The following LUZP2 variants were observed in gnomAD, a reference collection of about 807,000 sequenced individuals.
The protein encoded by LUZP2 is leucine zipper protein 2.
LUZP2 carries 52 observed loss-of-function variants against 51.6 expected under a neutral mutation model. That is an observed-to-expected ratio of 1.01 (90% CI 0.81 to 1.27). LUZP2 has a LOEUF of 1.27. Among genes scored for constraint, LUZP2 ranks in the 50% most tolerant of loss-of-function variants. The probability of loss-of-function intolerance (pLI) is 0.00; values close to 1 mark genes in which losing one functional copy is unlikely to be tolerated. For synonymous variants in LUZP2, 154 were observed against 137.3 expected, an observed-to-expected ratio of 1.12 and a Z score of -0.85; for missense variants, 436 against 395.4, an observed-to-expected ratio of 1.10 and a Z score of -0.87.
chr11:24,897,567 G>A (rs1267463631), intron 5 of LUZP2, among the ~76,000 whole-genome samples: 1 of 152,102 alleles, frequency 6.6e-6, no homozygotes, highest in Non-Finnish European at 1.5e-5. Context: ...TTTCACTCCT[G>A]AAGCCAGGGA....
chr11:24,543,092 A>T lies in LUZP2; in HGVS notation c.62+45787A>T, dbSNP rs563367186. Among the ~76,000 whole-genome samples, 11 of 151,940 alleles carry T rather than the reference A, an allele frequency of 7.2e-5. No homozygotes were observed. The South Asian group carries it at 2.3e-3, about 31-fold the overall frequency. On this transcript the variant is annotated intron_variant, in intron 1 of 11. Transcript: ENST00000336930. The stretch of plus-strand genomic sequence containing the variant: ...AATACTATATTAAATATTCGGGGAG[A>T]TTTGGTTTTATTTATTTTCAGGTGT...
chr11:24,578,531 C>T (rs373433316), intron 1 of LUZP2, among the ~76,000 whole-genome samples: 43 of 150,562 alleles, frequency 2.9e-4, no homozygotes, highest in African/African-American at 1.0e-3. Flanking sequence ...TGTGGAGTCA[C>T]CCTAGGTGCC....
chr11:24,826,069 G>C (rs975621816), intron 5 of LUZP2, among the ~76,000 whole-genome samples: 3 of 149,940 alleles, frequency 2.0e-5, no homozygotes, highest in Non-Finnish European at 4.4e-5. Context: ...GCTACTACTC[G>C]GGAGGCTGAG....
intron 1 of LUZP2, among the ~76,000 whole-genome samples, chr11:24,501,057 T>A (rs1314884558): frequency 6.6e-6 from 1 of 152,156 alleles, no homozygotes; most frequent in Non-Finnish European, 1.5e-5. Flanking sequence ...TCCTGAAATA[T>A]TTTGAGGCAA....
In LUZP2 at chr11:24,920,864, G is replaced by T. The variant is rs373773666; in HGVS notation, c.522+6326G>T. Among the ~76,000 whole-genome samples, 6 of 151,786 alleles carry T rather than the reference G, an allele frequency of 4.0e-5. No homozygotes were observed. The South Asian group carries it at 1.2e-3, about 32-fold the overall frequency. On this transcript the variant is annotated intron_variant, in intron 7 of 11. Transcript: ENST00000336930. ...GTATCATGTACATTATTTGAGTGAT[G>T]GATACACTGAAAGCCCAGACATCAC...
chr11:25,021,425 T>TTG (rs3992972), intron 9 of LUZP2, among the ~76,000 whole-genome samples: 58,047 of 149,584 alleles, frequency 0.39, 13,242 homozygotes, highest in East Asian at 0.74. Context: ...TGCACACAGG[T>TTG]TGTGTGTGTG....
chr11:24,851,787 A>G (rs1851402260), intron 5 of LUZP2, among the ~76,000 whole-genome samples: 1 of 152,134 alleles, frequency 6.6e-6, no homozygotes, highest in African/African-American at 2.4e-5. Context: ...TACAGCCTCA[A>G]TTTCAGAACT....
intron 5 of LUZP2, among the ~76,000 whole-genome samples, chr11:24,871,836 G>T (rs1211887929): frequency 6.6e-6 from 1 of 152,074 alleles, no homozygotes; most frequent in Non-Finnish European, 1.5e-5. Flanking sequence ...CATTTGGAAT[G>T]AGCTATATGT....
chr11:24,631,136 G>A (rs1182799240), intron 1 of LUZP2, among the ~76,000 whole-genome samples: 2 of 151,782 alleles, frequency 1.3e-5, no homozygotes, highest in Non-Finnish European at 2.9e-5. Context: ...CACGTCATCA[G>A]GAAATATTGA....
intron 1 of LUZP2, among the ~76,000 whole-genome samples, chr11:24,575,570 T>C (rs568961129): frequency 6.6e-6 from 1 of 152,340 alleles, no homozygotes; most frequent in South Asian, 2.1e-4. Context: ...TAGCAATTGC[T>C]ATGTGTTTTT....
intron 5 of LUZP2, among the ~76,000 whole-genome samples, chr11:24,820,393 G>A (rs751176005): frequency 5.3e-5 from 8 of 152,146 alleles, no homozygotes; most frequent in Non-Finnish European, 7.4e-5. Context: ...GAAAGACACC[G>A]GTTCAAGGAG....
At chr11:24,857,226 C>G (rs1851592933) in intron 5 of LUZP2, among the ~76,000 whole-genome samples, 1 of 149,824 alleles carries the variant, frequency 6.7e-6, no homozygotes, top group African/African-American at 2.4e-5. Flanking sequence ...TGTTTACAGT[C>G]CATGTATCCC....
At chr11:24,555,577 T>C (rs542650386) in intron 1 of LUZP2, among the ~76,000 whole-genome samples, 3 of 152,286 alleles carry the variant, frequency 2.0e-5, no homozygotes, top group African/African-American at 7.2e-5. Context: ...TCTTAGCACC[T>C]AATTACACAG....
At chr11:24,797,073 C>A (rs1481624995) in intron 5 of LUZP2, among the ~76,000 whole-genome samples, 2 of 152,126 alleles carry the variant, frequency 1.3e-5, no homozygotes, top group Admixed American at 1.3e-4. Context: ...AGCCTCAATC[C>A]TGCATGAATA....
chr11:25,009,394 A>C (rs1375874756), intron 9 of LUZP2, among the ~76,000 whole-genome samples: 1 of 152,188 alleles, frequency 6.6e-6, no homozygotes, highest in East Asian at 1.9e-4. Context: ...TGCATTGCAT[A>C]TATATATTGT....
chr11:24,971,959 G>A (rs7127904), intron 7 of LUZP2, among the ~76,000 whole-genome samples: 132 of 151,924 alleles, frequency 8.7e-4, no homozygotes, highest in African/African-American at 3.1e-3. Flanking sequence ...GGCCACCATG[G>A]CAAGATCCTG....
At chr11:24,926,354 TAC>T (rs1565119289) in intron 7 of LUZP2, among the ~76,000 whole-genome samples, 2 of 88,522 alleles carry the variant, frequency 2.3e-5, no homozygotes, top group African/African-American at 1.0e-4. Flanking sequence ...TGTATATATA[TAC>T]GTGTGTATAT....
chr11:24,794,623 T>G (rs1474694360), intron 5 of LUZP2, among the ~76,000 whole-genome samples: 4 of 152,172 alleles, frequency 2.6e-5, no homozygotes, highest in African/African-American at 2.4e-5. Flanking sequence ...ACTGTATAAA[T>G]TGGTTATGGA....
intron 1 of LUZP2, among the ~76,000 whole-genome samples, chr11:24,667,128 T>G (rs80270941): frequency 0.014 from 2,131 of 152,152 alleles, 43 homozygotes; most frequent in African/African-American, 0.045. Context: ...TGACTTTTCT[T>G]CTTATATTCA....
Sources: gnomAD v4.1 joint callset for allele counts (sites outside exome capture counted in the v4.1 genomes callset) on GRCh38, gnomAD v4.1.1 for gene constraint, MANE v1.5 for transcripts, NCBI Gene and HGNC (gene_info 2026-07-23, HGNC 2026-07-21) for gene names.